Variants in POLA2 observed in about 807,000 individuals in gnomAD.
POLA2 encodes DNA polymerase alpha subunit B.
A neutral mutation model predicts 82.8 loss-of-function variants in POLA2; 47 were observed. The ratio of observed to expected loss-of-function variants is 0.57; its 90% CI spans 0.45 to 0.72. The LOEUF (loss-of-function observed/expected upper bound fraction) is 0.72, where lower values mean the gene tolerates loss of function less well. POLA2 is among the 30% of genes least tolerant of loss of function. The probability of loss-of-function intolerance (pLI) is 0.00; values close to 1 mark genes in which losing one functional copy is unlikely to be tolerated. For synonymous variants in POLA2, 287 were observed against 286.8 expected (o/e 1.00, Z -0.01); for missense variants, 634 against 728.1 (o/e 0.87, Z 1.49).
chr11:65,272,432 A>G (rs1949531203), intron 4 of POLA2, among the ~76,000 whole-genome samples: 1 of 152,204 alleles, frequency 6.6e-6, no homozygotes, highest in Non-Finnish European at 1.5e-5. Context: ...ATGATATGTC[A>G]GTGATTTTAG....
intron 6 of POLA2, 121 bp from the exon 7 acceptor site, chr11:65,279,417 A>C: frequency 1.5e-6 from 1 of 681,778 alleles, no homozygotes; most frequent in Non-Finnish European, 2.5e-6. Context: ...CCAGATGTCC[A>C]GGCACCCTTC....
At chr11:65,282,443 C>A in intron 9 of POLA2, 36 bp from the exon 10 acceptor site, 1 of 1,602,210 alleles carries the variant, frequency 6.2e-7, no homozygotes, top group Non-Finnish European at 8.6e-7. Context: ...TGATGCCTGG[C>A]GCAAGACCTT....
chr11:65,278,603 T>C, intron 5 of POLA2, 127 bp from the exon 6 acceptor site: 1 of 769,908 alleles, frequency 1.3e-6, no homozygotes, highest in Non-Finnish European at 2.2e-6. Flanking sequence ...ATTAAACTGA[T>C]TCAATTTATA....
At chr11:65,290,744 T>G (rs186013690) in intron 13 of POLA2, among the ~76,000 whole-genome samples, 1 of 152,368 alleles carries the variant, frequency 6.6e-6, no homozygotes, top group Non-Finnish European at 1.5e-5. Flanking sequence ...TTGTATAAAC[T>G]AATATTCCAC....
At chr11:65,282,821 A>G (rs1043721595) in intron 10 of POLA2, among the ~76,000 whole-genome samples, 69 of 152,230 alleles carry the variant, frequency 4.5e-4, no homozygotes, top group African/African-American at 1.6e-3. Context: ...GTACGATTTC[A>G]AAAAGAATTT....
At chr11:65,268,351 A>AT (rs1565467636) in intron 3 of POLA2, among the ~76,000 whole-genome samples, 2 of 150,598 alleles carry the variant, frequency 1.3e-5, no homozygotes, top group Non-Finnish European at 1.5e-5. Context: ...TATTATTATT[A>AT]TTATTATTTT....
At chr11:65,274,864 TC>T (rs1455042097) in intron 4 of POLA2, among the ~76,000 whole-genome samples, 1 of 152,162 alleles carries the variant, frequency 6.6e-6, no homozygotes. Context: ...GCCTGGCTTT[TC>T]TTTTTCCTCC....
intron 4 of POLA2, among the ~76,000 whole-genome samples, chr11:65,273,898 CATGAAGAT>C (rs1249597088): frequency 2.6e-5 from 4 of 152,072 alleles, no homozygotes; most frequent in African/African-American, 9.7e-5. Context: ...AAGCTGTATG[CATGAAGAT>C]ACGCATTTTA....
intron 7 of POLA2, chr11:65,279,994 A>G (rs897972977): frequency 2.1e-5 from 4 of 194,112 alleles, no homozygotes; most frequent in South Asian, 1.3e-4. Flanking sequence ...TTCTCTGGAC[A>G]ATGACTCACA....
chr11:65,270,099 G>A (rs1565469665), intron 4 of POLA2, among the ~76,000 whole-genome samples: 2 of 152,142 alleles, frequency 1.3e-5, no homozygotes, highest in Admixed American at 6.5e-5. Context: ...CCAAAGTGCT[G>A]GGATTACAGA....
chr11:65,276,496 C>T (rs1949581122), intron 5 of POLA2, among the ~76,000 whole-genome samples: 1 of 151,912 alleles, frequency 6.6e-6, no homozygotes, highest in South Asian at 2.1e-4. Context: ...GTTTTCTTGT[C>T]ACTGTGACTC....
Position 65,273,812 on chromosome 11 carries a change from T to G in POLA2, c.355-2080T>G, listed in dbSNP as rs540384008. On this transcript the variant is annotated intron_variant, in intron 4 of 17. Transcript: ENST00000265465. Reference sequence around the variant, plus strand: ...CCTGGCCAAATTCATAAAATCTTTTTCTATCATTTGACCCAGTAATTCTCC... The same window carrying G: ...CCTGGCCAAATTCATAAAATCTTTTGCTATCATTTGACCCAGTAATTCTCC... Among the ~76,000 whole-genome samples the G allele has an allele frequency of 2.5e-3, 380 of 152,194 alleles. 1 individual carries two copies. The highest frequency in any genetic ancestry group is 8.6e-3 in the African/African-American group (355 of 41,516).
chr11:65,262,014 G>T lies in POLA2; in HGVS notation c.-279G>T. On this transcript the variant is annotated 5_prime_UTR_variant, in exon 1 of 18. Transcript: ENST00000265465. ...AGCGGTAGCTTTTGGGAAGCAGGAC[G>T]TTCTCACCAGGAGAGCGTCCTCTCG... 1 of 498,718 alleles carries T rather than the reference G, an allele frequency of 2.0e-6. No homozygotes were observed. The highest frequency in any genetic ancestry group is 3.5e-6 in the Non-Finnish European group (1 of 281,848). 30.9% of individuals were successfully genotyped at this position (498,718 alleles called of 1,614,324 possible). A position where few individuals can be genotyped will look rare whatever the true frequency, so the allele number is the denominator to read the frequency against.
At chr11:65,279,760 G>A (rs1949620950) in intron 7 of POLA2, 134 bp downstream of exon 7, 2 of 625,384 alleles carry the variant, frequency 3.2e-6, no homozygotes, top group Non-Finnish European at 5.5e-6. Context: ...TTGAATTTGG[G>A]AAAATGGGCC....
intron 11 of POLA2, 55 bp downstream of exon 11, chr11:65,287,895 G>T: frequency 6.4e-7 from 1 of 1,568,160 alleles, no homozygotes. Context: ...TGGCTTTAAT[G>T]AAGTTCTAAA....
chr11:65,272,197 T>C (rs1949528749), intron 4 of POLA2, among the ~76,000 whole-genome samples: 1 of 152,012 alleles, frequency 6.6e-6, no homozygotes. Context: ...TAATCCCAGC[T>C]ACTCGAGAGG....
At chr11:65,269,143 A>T (rs1302969523) in intron 4 of POLA2, among the ~76,000 whole-genome samples, 4 of 152,170 alleles carry the variant, frequency 2.6e-5, no homozygotes. Context: ...TCTCTGAGAC[A>T]GTTTCCTTAT....
chr11:65,289,636 CTAGACT>C (rs1308368955), intron 12 of POLA2, among the ~76,000 whole-genome samples, 157 bp from the exon 13 acceptor site: 2 of 152,242 alleles, frequency 1.3e-5, no homozygotes, highest in Non-Finnish European at 2.9e-5. Flanking sequence ...CTCCCTTCGA[CTAGACT>C]TAGCTCCTTA....
chr11:65,286,427 A>G (rs1233812139), intron 10 of POLA2, among the ~76,000 whole-genome samples: 3 of 151,034 alleles, frequency 2.0e-5, no homozygotes, highest in African/African-American at 7.3e-5. Flanking sequence ...TTTTTGAGAC[A>G]GTCTCACTGG....
Sources: allele counts gnomAD v4.1 joint callset (sites outside exome capture counted in the v4.1 genomes callset), GRCh38; gene constraint gnomAD v4.1.1; transcripts MANE v1.5; gene names NCBI Gene and HGNC (gene_info 2026-07-23, HGNC 2026-07-21).